Variants in ABCD3 observed in about 807,000 individuals in gnomAD.
ABCD3 encodes ATP-binding cassette sub-family D member 3.
Under a neutral mutation model 105.5 loss-of-function variants are expected in ABCD3, and 41 were observed. The observed-to-expected ratio is 0.39, with a 90% CI of 0.30 to 0.50. The LOEUF (loss-of-function observed/expected upper bound fraction) is 0.50. Among genes scored for constraint, ABCD3 ranks in the 20% least tolerant of loss-of-function variants. The pLI, the probability that ABCD3 is intolerant of heterozygous loss-of-function variation, is 0.84. For synonymous variants in ABCD3, 258 were observed against 269.0 expected (o/e 0.96, Z 0.40); for missense variants, 622 against 806.3 (o/e 0.77, Z 2.77).
At chr1:94,412,395 A>T in the ABCD3 span, among the ~76,000 whole-genome samples, 1 of 152,324 alleles carries the variant, frequency 6.6e-6, no homozygotes, top group East Asian at 1.9e-4. Flanking sequence ...AATGGTGATA[A>T]ACTTTGCATA....
At chr1:94,401,901 C>A in the ABCD3 span, among the ~76,000 whole-genome samples, 2 of 152,186 alleles carry the variant, frequency 1.3e-5, no homozygotes, top group Non-Finnish European at 2.9e-5. Context: ...AAAACCACCA[C>A]CCCAAAGAAA....
rs182996832 is a variant in ABCD3, at chr1:94,463,199, G to C, written c.148-1576G>C. Among the ~76,000 whole-genome samples the C allele has an allele frequency of 3.2e-4, 48 of 152,332 alleles. 1 individual carries two copies. The highest frequency in any genetic ancestry group is 3.1e-3 in the Admixed American group (47 of 15,304). ...CTTTGTCTGAAAGACCTGAAATGCT[G>C]AGTCTCTGTTCCAGCAGTTGCAGGG... On this transcript the variant is annotated intron_variant, in intron 2 of 22. Coordinates refer to ENST00000370214, the MANE Select transcript of ABCD3 (RefSeq NM_002858.4).
chr1:94,432,442 G>T (rs1031510292), intron 1 of ABCD3: 1 of 152,226 alleles, frequency 6.6e-6, no homozygotes, highest in African/African-American at 2.4e-5. Flanking sequence ...AGAAGGAACT[G>T]CAAGGAGACG....
At chr1:94,401,612 T>C in the ABCD3 span, among the ~76,000 whole-genome samples, 1 of 152,244 alleles carries the variant, frequency 6.6e-6, no homozygotes, top group African/African-American at 2.4e-5. Context: ...AGATAAGTTA[T>C]TTTTTCTTTC....
the ABCD3 span, among the ~76,000 whole-genome samples, chr1:94,391,062 T>G: frequency 6.6e-6 from 1 of 152,188 alleles, no homozygotes; most frequent in East Asian, 1.9e-4. Flanking sequence ...TAGATCCTTT[T>G]GGGGAATATT....
chr1:94,480,663 C>T, intron 9 of ABCD3, 57 bp downstream of exon 9: 1 of 1,587,206 alleles, frequency 6.3e-7, no homozygotes, highest in Non-Finnish European at 8.6e-7. Flanking sequence ...ATATTGATGT[C>T]ATTTAAATTG....
chr1:94,485,531 A>G (rs1322974697), intron 10 of ABCD3, among the ~76,000 whole-genome samples: 1 of 152,186 alleles, frequency 6.6e-6, no homozygotes, highest in Non-Finnish European at 1.5e-5. Flanking sequence ...CCTGCAGTTC[A>G]CCAGTTTGCT....
At chr1:94,410,361 G>A in the ABCD3 span, among the ~76,000 whole-genome samples, 1 of 152,124 alleles carries the variant, frequency 6.6e-6, no homozygotes, top group Non-Finnish European at 1.5e-5. Context: ...ATTTACTTTT[G>A]AATTCCTTTT....
chr1:94,393,631 T>A, the ABCD3 span, among the ~76,000 whole-genome samples: 1 of 151,784 alleles, frequency 6.6e-6, no homozygotes, highest in Non-Finnish European at 1.5e-5. Flanking sequence ...AGAGTGAGAC[T>A]CTGTCTCAAA....
chr1:94,504,734 C>T (rs1650267342), intron 20 of ABCD3, among the ~76,000 whole-genome samples: 1 of 151,954 alleles, frequency 6.6e-6, no homozygotes, highest in Non-Finnish European at 1.5e-5. Context: ...AGTGAAGTTC[C>T]CTGATTGACA....
the ABCD3 span, among the ~76,000 whole-genome samples, chr1:94,408,681 A>G: frequency 6.6e-6 from 1 of 152,198 alleles, no homozygotes; most frequent in African/African-American, 2.4e-5. Context: ...TGGCTGGATG[A>G]GCAGAAGAGC....
chr1:94,453,940 C>T (rs1349431523), intron 1 of ABCD3, among the ~76,000 whole-genome samples: 1 of 141,072 alleles, frequency 7.1e-6, no homozygotes, highest in Non-Finnish European at 1.5e-5. Context: ...TATTATTAAT[C>T]TTTTTTTTTT....
intron 1 of ABCD3, among the ~76,000 whole-genome samples, chr1:94,452,924 G>A (rs1647326173): frequency 1.3e-5 from 2 of 152,012 alleles, no homozygotes; most frequent in African/African-American, 4.8e-5. Context: ...TTTTAATAGA[G>A]ACAGGGTTTC....
At chr1:94,440,443 A>G (rs1660089962) in intron 1 of ABCD3, among the ~76,000 whole-genome samples, 2 of 152,156 alleles carry the variant, frequency 1.3e-5, no homozygotes, top group Admixed American at 6.6e-5. Flanking sequence ...CTGTTCTGAA[A>G]GGGAGCTTTA....
In ABCD3 at chr1:94,418,511, A is replaced by G. The variant is rs756913061; in HGVS notation, c.33A>G (p.Arg11=). The part of the protein sequence containing the change: MAAFSKYLTA[R]NSSLAGAAFL... ...CCTTCAGCAAGTACTTGACGGCGCGAAACTCCTCGCTGGCTGGTGCCGCGT... is the reference window on the plus strand; with the variant it reads ...CCTTCAGCAAGTACTTGACGGCGCGGAACTCCTCGCTGGCTGGTGCCGCGT... The change falls in exon 1 of 23, where the codon CGA becomes CGG. Residue 11 remains arginine, a synonymous_variant. Transcript: ENST00000370214. The G allele has an allele frequency of 5.6e-6, 9 of 1,605,500 alleles. No homozygotes were observed. In the East Asian group the frequency reaches 1.8e-4, roughly 32 times the overall value.
rs1375049639 is a variant in ABCD3, at chr1:94,473,764, A to T, written c.336-2A>T. On this transcript the variant is annotated splice_acceptor_variant, in intron 4 of 22. Transcript: ENST00000370214. LOFTEE classifies it high-confidence loss of function. ...TAATGCATTGCATGTGGTGGTTTGC[A>T]GTGGTATCATTGGTCGTAGCAGGAA... The T allele has an allele frequency of 6.2e-7, 1 of 1,612,086 alleles. No individual in the cohort carries two copies. The highest frequency in any genetic ancestry group is 8.5e-7 in the Non-Finnish European group (1 of 1,178,632).
At chr1:94,503,469 C>A (rs1451786328) in intron 20 of ABCD3, among the ~76,000 whole-genome samples, 1 of 152,122 alleles carries the variant, frequency 6.6e-6, no homozygotes, top group Non-Finnish European at 1.5e-5. Context: ...TGTCTTCTGA[C>A]TTTATCACAT....
chr1:94,477,001 A>G (rs1648778857), intron 7 of ABCD3, among the ~76,000 whole-genome samples: 1 of 151,942 alleles, frequency 6.6e-6, no homozygotes, highest in African/African-American at 2.4e-5. Context: ...ATTATTATGT[A>G]TTCTTTAAAT....
intron 22 of ABCD3, among the ~76,000 whole-genome samples, chr1:94,515,502 A>C (rs542099368): frequency 2.7e-4 from 41 of 152,110 alleles, no homozygotes; most frequent in African/African-American, 8.2e-4. Context: ...CTTATCCAGC[A>C]GTGACAGAGG....
Sources: allele counts gnomAD v4.1 joint callset (sites outside exome capture counted in the v4.1 genomes callset), GRCh38; gene constraint gnomAD v4.1.1; transcripts MANE v1.5; gene names NCBI Gene and HGNC (gene_info 2026-07-23, HGNC 2026-07-21).